The following CTNNA3 variants were observed in gnomAD, a reference collection of about 807,000 sequenced individuals.
The protein encoded by CTNNA3 is catenin alpha 3, also known as catenin alpha-3.
Under a neutral mutation model 95.7 loss-of-function variants are expected in CTNNA3, and 76 were observed. The observed-to-expected ratio is 0.79, with a 90% CI of 0.66 to 0.96. The LOEUF is 0.96. CTNNA3 is among the 40% of genes least tolerant of loss of function. CTNNA3 has a pLI of 0.00. For synonymous variants in CTNNA3, 431 were observed against 374.4 expected, an observed-to-expected ratio of 1.15 and a Z score of -1.74; for missense variants, 1,191 against 1,089.8, an observed-to-expected ratio of 1.09 and a Z score of -1.31.
At chr10:66,765,817 T>C (rs942166480) in intron 9 of CTNNA3, among the ~76,000 whole-genome samples, 3 of 152,148 alleles carry the variant, frequency 2.0e-5, no homozygotes, top group African/African-American at 7.2e-5. Context: ...CTACCCCTAC[T>C]TACTTATTCC....
chr10:66,666,990 A>G (rs1305869220), intron 9 of CTNNA3, among the ~76,000 whole-genome samples: 1 of 152,174 alleles, frequency 6.6e-6, no homozygotes, highest in Non-Finnish European at 1.5e-5. Context: ...AAACAGTGAT[A>G]TAGCCTAAGA....
At chr10:67,358,132 A>C (rs1035539689) in intron 5 of CTNNA3, among the ~76,000 whole-genome samples, 4 of 152,196 alleles carry the variant, frequency 2.6e-5, no homozygotes, top group Non-Finnish European at 5.9e-5. Flanking sequence ...AAATTAATTC[A>C]AAATGGGTCA....
At chr10:66,780,708 A>G (rs929127736) in intron 7 of CTNNA3, among the ~76,000 whole-genome samples, 2 of 152,182 alleles carry the variant, frequency 1.3e-5, no homozygotes, top group Admixed American at 6.5e-5. Flanking sequence ...TCTTACATAT[A>G]TTTTGTCCCT....
At chr10:67,230,131 C>A (rs1163430211) in intron 5 of CTNNA3, among the ~76,000 whole-genome samples, 1 of 152,126 alleles carries the variant, frequency 6.6e-6, no homozygotes, top group African/African-American at 2.4e-5. Flanking sequence ...GGCACATAGA[C>A]CAATGGAACA....
intron 12 of CTNNA3, among the ~76,000 whole-genome samples, chr10:66,286,703 C>T (rs1589033635): frequency 1.3e-5 from 2 of 151,864 alleles, no homozygotes; most frequent in Admixed American, 1.3e-4. Flanking sequence ...ATGTATCTTC[C>T]TTTGACCAGT....
intron 7 of CTNNA3, among the ~76,000 whole-genome samples, chr10:67,028,007 G>A (rs973493380): frequency 2.6e-5 from 4 of 152,072 alleles, no homozygotes; most frequent in African/African-American, 9.7e-5. Context: ...TAAGGTAGCT[G>A]GTATTAACTG....
intron 7 of CTNNA3, among the ~76,000 whole-genome samples, chr10:66,903,162 CA>C (rs2132532845): frequency 6.6e-6 from 1 of 152,260 alleles, no homozygotes; most frequent in South Asian, 2.1e-4. Flanking sequence ...AGCAGCACAT[CA>C]AAAAGCTTAT....
intron 9 of CTNNA3, among the ~76,000 whole-genome samples, chr10:66,669,791 T>G (rs1341742197): frequency 1.3e-5 from 2 of 152,106 alleles, no homozygotes; most frequent in African/African-American, 2.4e-5. Context: ...AAGAGAGGAT[T>G]CATCTTTAAA....
intron 7 of CTNNA3, among the ~76,000 whole-genome samples, chr10:67,164,003 G>C (rs1193420342): frequency 1.3e-5 from 2 of 151,908 alleles, no homozygotes; most frequent in Admixed American, 6.6e-5. Context: ...GAGACATCCT[G>C]TGTTCATGAA....
intron 7 of CTNNA3, among the ~76,000 whole-genome samples, chr10:66,921,332 CT>C (rs1309290475): frequency 1.3e-5 from 2 of 152,122 alleles, no homozygotes; most frequent in African/African-American, 4.8e-5. Flanking sequence ...CAATATATGG[CT>C]TTTGGGGACG....
intron 11 of CTNNA3, among the ~76,000 whole-genome samples, chr10:66,407,623 C>G (rs1005283655): frequency 2.0e-5 from 3 of 151,814 alleles, no homozygotes; most frequent in East Asian, 3.9e-4. Context: ...CTCTGTCACC[C>G]GGGCTGGAGT....
At chr10:67,340,013 C>T (rs1842124757) in intron 5 of CTNNA3, among the ~76,000 whole-genome samples, 1 of 151,856 alleles carries the variant, frequency 6.6e-6, no homozygotes, top group Non-Finnish European at 1.5e-5. Context: ...CTTCTTTATC[C>T]CAAAATATTT....
chr10:65,986,473 T>C (rs1212580090), intron 16 of CTNNA3, among the ~76,000 whole-genome samples: 1 of 151,276 alleles, frequency 6.6e-6, no homozygotes, highest in African/African-American at 2.4e-5. Flanking sequence ...TTCTCATAGC[T>C]ACAAAAAACA....
chr10:66,603,614 G>A (rs1193516928), intron 10 of CTNNA3, among the ~76,000 whole-genome samples: 2 of 152,002 alleles, frequency 1.3e-5, no homozygotes, highest in Non-Finnish European at 2.9e-5. Flanking sequence ...ACAAAAGACT[G>A]AATAGTTAAA....
intron 11 of CTNNA3, among the ~76,000 whole-genome samples, chr10:66,444,728 A>G (rs1454069386): frequency 6.6e-6 from 1 of 152,160 alleles, no homozygotes; most frequent in East Asian, 1.9e-4. Flanking sequence ...ACATACCAAA[A>G]TGTAAAGACC....
At chr10:66,493,597 G>GTTTTTTTTTTT (rs1589329310) in intron 11 of CTNNA3, among the ~76,000 whole-genome samples, 8 of 119,548 alleles carry the variant, frequency 6.7e-5, no homozygotes, top group African/African-American at 3.4e-4. Flanking sequence ...TTTAACTACA[G>GTTTTTTTTTTT]TATTTTTTTT....
In CTNNA3 at chr10:66,967,444, AATTAC is replaced by A. The variant is rs1349725197; in HGVS notation, c.1048-191925_1048-191921del. 2.6e-5 allele frequency among the ~76,000 whole-genome samples: 4 copies of A among 151,992 alleles called. No homozygotes were observed. The East Asian group carries it at 7.7e-4, about 29-fold the overall frequency. On this transcript the variant is annotated intron_variant, in intron 7 of 17. Transcript: ENST00000433211. Reference sequence around the variant, plus strand: ...TATATATACACATAGCATGCATATGAATTACAATTAATTAATCAATAATGGTCCCA... The same window carrying A: ...TATATATACACATAGCATGCATATGAAATTAATTAATCAATAATGGTCCCA...
At chr10:67,692,731 ATC>A (rs1840891130) in intron 1 of CTNNA3, among the ~76,000 whole-genome samples, 1 of 124,192 alleles carries the variant, frequency 8.1e-6, no homozygotes, top group African/African-American at 3.6e-5. Flanking sequence ...CCCAAGAATG[ATC>A]AATAAAAAAA....
intron 11 of CTNNA3, among the ~76,000 whole-genome samples, chr10:66,415,420 G>A (rs1455093741): frequency 1.3e-5 from 2 of 152,056 alleles, no homozygotes; most frequent in Non-Finnish European, 2.9e-5. Context: ...TGCACCACAA[G>A]GGACCTAGAG....
Sources: allele counts gnomAD v4.1 joint callset (sites outside exome capture counted in the v4.1 genomes callset), GRCh38; gene constraint gnomAD v4.1.1; transcripts MANE v1.5; gene names NCBI Gene and HGNC (gene_info 2026-07-23, HGNC 2026-07-21).